TMPRSS15: variants seen among roughly 807,000 people sequenced by gnomAD.
TMPRSS15 encodes enteropeptidase.
Under a neutral mutation model 125.3 loss-of-function variants are expected in TMPRSS15, and 128 were observed. That is an observed-to-expected ratio of 1.02 (90% CI 0.89 to 1.18). The LOEUF is 1.18. TMPRSS15 is among the 50% of genes most tolerant of loss of function. The pLI is 0.00. For synonymous variants in TMPRSS15, 446 were observed against 423.2 expected, an observed-to-expected ratio of 1.05 and a Z score of -0.66; for missense variants, 1,283 against 1,212.7, an observed-to-expected ratio of 1.06 and a Z score of -0.86.
chr21:18,281,320 G>C, intron 21 of TMPRSS15, 99 bp from the exon 22 acceptor site: 1 of 1,024,906 alleles, frequency 9.8e-7, no homozygotes, highest in Non-Finnish European at 1.5e-6. Flanking sequence ...TTTCTATCCT[G>C]AAATGTTCTT....
At chr21:18,329,136 A>G in intron 15 of TMPRSS15, 33 bp downstream of exon 15, 6 of 1,610,304 alleles carry the variant, frequency 3.7e-6, no homozygotes, top group Non-Finnish European at 5.1e-6. Flanking sequence ...CTTGAGCTTT[A>G]CAACCTTTAC....
intron 10 of TMPRSS15, among the ~76,000 whole-genome samples, chr21:18,348,507 G>A (rs2075532435): frequency 6.6e-6 from 1 of 152,140 alleles, no homozygotes; most frequent in Admixed American, 6.5e-5. Flanking sequence ...AAAATTAGCT[G>A]AACCTAGTAG....
intron 3 of TMPRSS15, among the ~76,000 whole-genome samples, chr21:18,395,056 A>G (rs1342666193): frequency 6.6e-6 from 1 of 152,202 alleles, no homozygotes; most frequent in African/African-American, 2.4e-5. Context: ...CGAACACTTT[A>G]ACCTACACAA....
intron 15 of TMPRSS15, among the ~76,000 whole-genome samples, chr21:18,327,096 A>G (rs539517122): frequency 3.9e-5 from 6 of 152,200 alleles, no homozygotes; most frequent in Non-Finnish European, 8.8e-5. Flanking sequence ...ACAATAAAAC[A>G]TTCTTTACTA....
intron 1 of TMPRSS15, among the ~76,000 whole-genome samples, chr21:18,442,738 T>A (rs2076245256): frequency 6.6e-6 from 1 of 152,224 alleles, no homozygotes; most frequent in Non-Finnish European, 1.5e-5. Context: ...CATGGTAATT[T>A]CTCCCAAGCT....
chr21:18,359,505 C>T (rs73196413), intron 8 of TMPRSS15, among the ~76,000 whole-genome samples: 23,065 of 151,822 alleles, frequency 0.15, 2,219 homozygotes, highest in East Asian at 0.28. Flanking sequence ...AATTATAATC[C>T]TTTGACAAAT....
chr21:18,479,597 C>A (rs139484647), intron 1 of TMPRSS15, among the ~76,000 whole-genome samples: 148 of 152,060 alleles, frequency 9.7e-4, no homozygotes, highest in African/African-American at 3.2e-3. Flanking sequence ...ACAGACACTT[C>A]TCAAAAGAAG....
chr21:18,302,938 G>A (rs1342356732), intron 18 of TMPRSS15, among the ~76,000 whole-genome samples: 2 of 152,106 alleles, frequency 1.3e-5, no homozygotes, highest in Admixed American at 6.6e-5. Context: ...GTTTGGAGTA[G>A]AGGGCATATG....
intron 16 of TMPRSS15, 65 bp from the exon 17 acceptor site, chr21:18,315,321 A>C: frequency 7.3e-7 from 1 of 1,367,006 alleles, no homozygotes; most frequent in Non-Finnish European, 1.0e-6. Flanking sequence ...CTGGAGTACA[A>C]ATCCCATTTG....
chr21:18,271,158 T>C (rs1033670928), intron 24 of TMPRSS15, among the ~76,000 whole-genome samples: 2 of 152,164 alleles, frequency 1.3e-5, no homozygotes, highest in Non-Finnish European at 2.9e-5. Context: ...GTGTAACAAA[T>C]GTGTGCAAGG....
At chr21:18,470,619 T>C (rs766384294) in intron 1 of TMPRSS15, among the ~76,000 whole-genome samples, 60 of 152,128 alleles carry the variant, frequency 3.9e-4, no homozygotes, top group Admixed American at 1.6e-3. Flanking sequence ...ATTTCATGTA[T>C]ATCTCAGTTG....
chr21:18,440,040 T>G (rs772244804), intron 1 of TMPRSS15, among the ~76,000 whole-genome samples: 1 of 152,056 alleles, frequency 6.6e-6, no homozygotes, highest in African/African-American at 2.4e-5. Flanking sequence ...TCAAGGAAAG[T>G]TGTAGACACA....
At chr21:18,279,128 T>A in intron 22 of TMPRSS15, 69 bp from the exon 23 acceptor site, 1 of 839,996 alleles carries the variant, frequency 1.2e-6, no homozygotes, top group Non-Finnish European at 2.0e-6. Flanking sequence ...CAAGCATTTC[T>A]AACAAGTTTT....
chr21:18,274,464 G>A (rs753540446), intron 24 of TMPRSS15, among the ~76,000 whole-genome samples: 52 of 152,266 alleles, frequency 3.4e-4, no homozygotes, highest in Admixed American at 6.5e-4. Context: ...ACTCTTAGGT[G>A]GCAAGATATT....
chr21:18,314,152 G>C (rs1325227587), intron 17 of TMPRSS15, among the ~76,000 whole-genome samples: 1 of 152,102 alleles, frequency 6.6e-6, no homozygotes, highest in Non-Finnish European at 1.5e-5. Flanking sequence ...CAAGAGCTAA[G>C]AGCAGTGACT....
At chr21:18,341,984 G>C (rs182002063) in intron 12 of TMPRSS15, among the ~76,000 whole-genome samples, 1 of 152,136 alleles carries the variant, frequency 6.6e-6, no homozygotes, top group Non-Finnish European at 1.5e-5. Context: ...AAAGCCTGAA[G>C]AGAAAACACA....
At position 18,385,540 on chromosome 21, in the gene TMPRSS15, C is replaced by T. The variant is rs1010076398; in HGVS notation, c.345-1762G>A. ...AAGAACAGCTCACAGTAGATTACCA[C>T]CCTTCGTTGTTGAACATTATTAGGT... On this transcript the variant is annotated intron_variant, in intron 3 of 24. Transcript: ENST00000284885. Among the ~76,000 whole-genome samples, 17 of 152,292 alleles carry T rather than the reference C, an allele frequency of 1.1e-4. No homozygotes were observed. The East Asian group carries it at 2.7e-3, about 24-fold the overall frequency.
chr21:18,281,339 C>T, intron 21 of TMPRSS15, 118 bp from the exon 22 acceptor site: 1 of 900,744 alleles, frequency 1.1e-6, no homozygotes, highest in East Asian at 2.5e-5. Context: ...TTTAATTTCT[C>T]TGAAGAATCA....
intron 10 of TMPRSS15, 115 bp from the exon 11 acceptor site, chr21:18,344,175 A>G (rs1266814552): frequency 6.8e-6 from 6 of 882,698 alleles, no homozygotes; most frequent in Non-Finnish European, 1.1e-5. Flanking sequence ...AAGGAAATAT[A>G]TTTTAATATA....
Sources: gnomAD v4.1 joint callset for allele counts (sites outside exome capture counted in the v4.1 genomes callset) on GRCh38, gnomAD v4.1.1 for gene constraint, MANE v1.5 for transcripts, NCBI Gene and HGNC (gene_info 2026-07-23, HGNC 2026-07-21) for gene names.